DLG2: variants seen among roughly 807,000 people sequenced by gnomAD.
The protein encoded by DLG2 is disks large homolog 2.
In DLG2, 45 loss-of-function variants were observed where a neutral mutation model predicts 132.5. That is an observed-to-expected ratio of 0.34 (90% CI 0.27 to 0.44). DLG2 has a LOEUF of 0.44. Ranked by LOEUF, DLG2 falls within the 20% of genes least tolerant of loss-of-function variation. The pLI is 1.00. For synonymous variants in DLG2, 424 were observed against 419.6 expected (o/e 1.01, Z -0.13); for missense variants, 1,045 against 1,196.9 (o/e 0.87, Z 1.87).
intron 7 of DLG2, among the ~76,000 whole-genome samples, chr11:84,404,524 C>T (rs2098841778): frequency 6.6e-6 from 1 of 152,138 alleles, no homozygotes; most frequent in African/African-American, 2.4e-5. Context: ...ATTGGACCCA[C>T]ATTGCCTAAC....
chr11:84,147,447 A>G (rs1285789368), intron 9 of DLG2, among the ~76,000 whole-genome samples: 1 of 152,160 alleles, frequency 6.6e-6, no homozygotes, highest in Non-Finnish European at 1.5e-5. Flanking sequence ...GAGATTAGAA[A>G]TGGGGAGTCA....
intron 7 of DLG2, among the ~76,000 whole-genome samples, chr11:84,527,796 G>A (rs1445553115): frequency 6.6e-6 from 1 of 151,784 alleles, no homozygotes; most frequent in East Asian, 1.9e-4. Flanking sequence ...TTTCAGATAT[G>A]TTAATATGTG....
chr11:85,351,944 C>CTCTCTT (rs1391317545), intron 3 of DLG2, among the ~76,000 whole-genome samples: 1 of 152,174 alleles, frequency 6.6e-6, no homozygotes, highest in Non-Finnish European at 1.5e-5. Flanking sequence ...AGGGAGGATT[C>CTCTCTT]TCTCTTTTGC....
At chr11:84,380,509 G>T (rs918315645) in intron 7 of DLG2, among the ~76,000 whole-genome samples, 1 of 151,800 alleles carries the variant, frequency 6.6e-6, no homozygotes, top group African/African-American at 2.4e-5. Context: ...AATAACACAG[G>T]AGTTAAAGAA....
chr11:83,774,880 G>A (rs1594133387), intron 18 of DLG2, among the ~76,000 whole-genome samples: 1 of 152,270 alleles, frequency 6.6e-6, no homozygotes, highest in Admixed American at 6.5e-5. Flanking sequence ...GGCACAGAGA[G>A]GTTGTCACTC....
At position 83,822,309 on chromosome 11, in the gene DLG2, T is replaced by G. The variant is rs540144259; in HGVS notation, c.1722+11305A>C. The stretch of plus-strand genomic sequence containing the variant: ...TCCCACTAGAGGCTTCTCTCTGAAA[T>G]AATTTCTATTGTTTAAGAAGCACTT... On this transcript the variant is annotated intron_variant, in intron 17 of 27. Coordinates refer to ENST00000376104, the MANE Select transcript of DLG2 (RefSeq NM_001142699.3). 2.7e-4 allele frequency among the ~76,000 whole-genome samples: 41 copies of G among 152,280 alleles called. No individual in the cohort carries two copies. The South Asian group carries it at 5.2e-3, about 19-fold the overall frequency.
chr11:84,110,971 A>G (rs572307787), intron 9 of DLG2, among the ~76,000 whole-genome samples: 2 of 152,298 alleles, frequency 1.3e-5, no homozygotes, highest in Admixed American at 1.3e-4. Flanking sequence ...AGGAACACAT[A>G]AAGAAAAGTG....
chr11:83,733,928 C>T (rs2091456586), intron 18 of DLG2, among the ~76,000 whole-genome samples: 1 of 151,208 alleles, frequency 6.6e-6, no homozygotes, highest in Non-Finnish European at 1.5e-5. Flanking sequence ...TCCTACCCTC[C>T]CACCCTCCCA....
chr11:84,959,736 A>T (rs1277385313), intron 6 of DLG2, among the ~76,000 whole-genome samples: 1 of 152,234 alleles, frequency 6.6e-6, no homozygotes, highest in Admixed American at 6.5e-5. Context: ...TATAATGTTA[A>T]TTAGTCACAA....
intron 16 of DLG2, among the ~76,000 whole-genome samples, chr11:83,850,147 TGTGTGTGTGTGTG>T (rs2059422563): frequency 1.5e-5 from 2 of 133,016 alleles, no homozygotes; most frequent in Non-Finnish European, 3.1e-5. Context: ...TGTGTGTGTG[TGTGTGTGTGTGTG>T]TTTTTTTACT....
chr11:84,825,662 A>G (rs1050991178), intron 6 of DLG2, among the ~76,000 whole-genome samples: 2 of 151,872 alleles, frequency 1.3e-5, no homozygotes, highest in Non-Finnish European at 2.9e-5. Flanking sequence ...GTCTGTTTGG[A>G]TTAGCAGGTG....
intron 9 of DLG2, among the ~76,000 whole-genome samples, chr11:84,140,404 CAAT>C (rs2094791873): frequency 6.6e-6 from 1 of 151,938 alleles, no homozygotes; most frequent in African/African-American, 2.4e-5. Flanking sequence ...ACAAGTAAAA[CAAT>C]AATGCTGCAT....
At chr11:84,723,677 G>T (rs886363676) in intron 6 of DLG2, among the ~76,000 whole-genome samples, 10 of 152,066 alleles carry the variant, frequency 6.6e-5, no homozygotes, top group African/African-American at 2.4e-4. Context: ...ACTAATTTGA[G>T]AGTGTACTGC....
intron 7 of DLG2, among the ~76,000 whole-genome samples, chr11:84,303,366 G>T (rs2098178123): frequency 6.6e-6 from 1 of 152,124 alleles, no homozygotes; most frequent in African/African-American, 2.4e-5. Flanking sequence ...CAGCCTGTCA[G>T]AATAAAATGC....
intron 6 of DLG2, among the ~76,000 whole-genome samples, chr11:84,819,916 T>C (rs1039776619): frequency 1.3e-5 from 2 of 151,672 alleles, no homozygotes; most frequent in African/African-American, 4.8e-5. Flanking sequence ...TGGAGACCTG[T>C]CTGGGTAAGT....
chr11:85,293,023 A>G (rs1371872843), intron 3 of DLG2, among the ~76,000 whole-genome samples: 2 of 152,116 alleles, frequency 1.3e-5, no homozygotes, highest in African/African-American at 4.8e-5. Context: ...TTTGAGCCTT[A>G]AAAATAAATT....
intron 3 of DLG2, among the ~76,000 whole-genome samples, chr11:85,519,663 G>C (rs113215544): frequency 7.3e-4 from 111 of 152,326 alleles, no homozygotes; most frequent in African/African-American, 2.3e-3. Flanking sequence ...GGCATGACTG[G>C]TTTTGAAATG....
At chr11:84,917,347 T>C (rs777044486) in intron 6 of DLG2, among the ~76,000 whole-genome samples, 5 of 152,204 alleles carry the variant, frequency 3.3e-5, no homozygotes, top group Non-Finnish European at 5.9e-5. Flanking sequence ...ACTTAATTCC[T>C]TACCTAATTT....
At chr11:84,099,442 T>C (rs1016358759) in intron 9 of DLG2, among the ~76,000 whole-genome samples, 4 of 152,080 alleles carry the variant, frequency 2.6e-5, no homozygotes, top group Admixed American at 6.6e-5. Flanking sequence ...TTTGATTTAA[T>C]AGAAGAGTGA....
Sources: allele counts gnomAD v4.1 joint callset (sites outside exome capture counted in the v4.1 genomes callset), GRCh38; gene constraint gnomAD v4.1.1; transcripts MANE v1.5; gene names NCBI Gene and HGNC (gene_info 2026-07-23, HGNC 2026-07-21).